The following AKAP10 variants were observed in gnomAD, a reference collection of about 807,000 sequenced individuals.
The protein encoded by AKAP10 is A-kinase anchor protein 10, mitochondrial.
In AKAP10, 24 loss-of-function variants were observed where a neutral mutation model predicts 80.8. That is an observed-to-expected ratio of 0.30 (90% CI 0.22 to 0.42). AKAP10 has a LOEUF of 0.42. Ranked by LOEUF, AKAP10 falls within the 10% of genes least tolerant of loss-of-function variation. AKAP10 has a pLI of 1.00. For missense variants in AKAP10, 661 were observed against 794.9 expected (o/e 0.83, Z 2.03); for synonymous variants, 291 against 277.7 (o/e 1.05, Z -0.48).
At chr17:19,925,529 T>C (rs2042866869) in intron 10 of AKAP10, among the ~76,000 whole-genome samples, 1 of 152,142 alleles carries the variant, frequency 6.6e-6, no homozygotes, top group Non-Finnish European at 1.5e-5. Context: ...ACCTAGAAAT[T>C]CCACTTCTAA....
At chr17:19,946,230 A>AT in intron 5 of AKAP10, among the ~76,000 whole-genome samples, 1 of 17,304 alleles carries the variant, frequency 5.8e-5, no homozygotes, top group Admixed American at 9.4e-4. Flanking sequence ...TTTTATATAT[A>AT]TATATATTAT....
At chr17:19,934,207 C>T (rs2042968484) in intron 9 of AKAP10, among the ~76,000 whole-genome samples, 2 of 152,122 alleles carry the variant, frequency 1.3e-5, no homozygotes, top group African/African-American at 2.4e-5. Flanking sequence ...AGATGTGAGT[C>T]GCCGTGCCTA....
At chr17:19,976,623 G>A (rs936310170) in intron 1 of AKAP10, among the ~76,000 whole-genome samples, 2 of 151,992 alleles carry the variant, frequency 1.3e-5, no homozygotes, top group Non-Finnish European at 2.9e-5. Context: ...AGGTTCAAGC[G>A]ATTCTCCTGC....
chr17:19,948,077 G>C (rs1464187819), intron 4 of AKAP10, among the ~76,000 whole-genome samples: 1 of 151,832 alleles, frequency 6.6e-6, no homozygotes, highest in Non-Finnish European at 1.5e-5. Flanking sequence ...GCTTGCTAAA[G>C]GGAAAACAGC....
intron 12 of AKAP10, among the ~76,000 whole-genome samples, chr17:19,913,279 G>T (rs560940634): frequency 1.3e-5 from 2 of 150,506 alleles, no homozygotes; most frequent in East Asian, 4.0e-4. Context: ...TCAGCCTCCC[G>T]ATAGCTGGGA....
Position 19,977,668 on chromosome 17 carries a change from G to A in AKAP10, c.12C>T (p.Ala4=), listed in dbSNP as rs2043590929. 2 of 1,235,146 alleles carry A rather than the reference G, an allele frequency of 1.6e-6. No homozygotes were observed. Among genetic ancestry groups the A allele is most frequent in the Middle Eastern group, 2.3e-4 (1 of 4,272 alleles). 76.5% of individuals were successfully genotyped at this position (1,235,146 alleles called of 1,614,324 possible). Residue 4 remains alanine, a synonymous_variant, in exon 1 of 15, where the codon GCC becomes GCT. Transcript: ENST00000225737. Reference sequence around the variant, plus strand: ...GGGGGGACTGGCGCGGGGAGGGCCCGGCTCCCCTCATTCAGCAACCGGCCC... The same window carrying A: ...GGGGGGACTGGCGCGGGGAGGGCCCAGCTCCCCTCATTCAGCAACCGGCCC... The part of the protein sequence containing the change: MRG[A]GPSPRQSPRT...
chr17:19,935,216 G>C (rs538957367), intron 9 of AKAP10, among the ~76,000 whole-genome samples: 1 of 152,218 alleles, frequency 6.6e-6, no homozygotes, highest in Admixed American at 6.5e-5. Context: ...TATTGCAATG[G>C]TAAGAATTTG....
At chr17:19,977,526 G>C in intron 1 of AKAP10, 66 bp downstream of exon 1, 2 of 1,184,690 alleles carry the variant, frequency 1.7e-6, no homozygotes, top group Non-Finnish European at 2.1e-6. Context: ...AGCCCTCGCA[G>C]GCCCACCTGC....
At position 19,941,017 on chromosome 17, in the gene AKAP10, A is replaced by G. The variant is rs2043046246; in HGVS notation, c.1062-7T>C. The G allele has an allele frequency of 3.1e-6, 5 of 1,589,684 alleles. No homozygotes were observed. The highest frequency in any genetic ancestry group is 1.4e-5 in the African/African-American group (1 of 73,326). ...CAGAAACTCACTAAAGTGCCTGCACATGGACAAAAGGGAAAATTTGAGGGA... is the reference window on the plus strand; with the variant it reads ...CAGAAACTCACTAAAGTGCCTGCACGTGGACAAAAGGGAAAATTTGAGGGA... On this transcript the variant is annotated splice_polypyrimidine_tract_variant and splice_region_variant and intron_variant, in intron 6 of 14. Transcript: ENST00000225737.
At chr17:19,959,123 G>A (rs966844634) in intron 3 of AKAP10, among the ~76,000 whole-genome samples, 55 of 151,900 alleles carry the variant, frequency 3.6e-4, no homozygotes, top group African/African-American at 1.3e-3. Flanking sequence ...AAAGTGCTGG[G>A]ATTGCAGGCG....
At chr17:19,946,126 CTAA>C (rs1476990879) in intron 5 of AKAP10, among the ~76,000 whole-genome samples, 1 of 128,728 alleles carries the variant, frequency 7.8e-6, no homozygotes, top group African/African-American at 2.9e-5. Flanking sequence ...TATACACACA[CTAA>C]TATGTATATT....
chr17:19,972,528 T>C (rs1597536125), intron 1 of AKAP10, among the ~76,000 whole-genome samples: 1 of 152,302 alleles, frequency 6.6e-6, no homozygotes, highest in East Asian at 1.9e-4. Flanking sequence ...CGATCTCAGC[T>C]CACTGCAAGC....
intron 3 of AKAP10, among the ~76,000 whole-genome samples, chr17:19,959,461 C>T (rs1290186146): frequency 6.6e-6 from 1 of 152,142 alleles, no homozygotes; most frequent in African/African-American, 2.4e-5. Flanking sequence ...AGTAATTCCA[C>T]TTGTAGGCAC....
At chr17:19,946,953 G>A (rs2043140333) in intron 5 of AKAP10, among the ~76,000 whole-genome samples, 1 of 152,186 alleles carries the variant, frequency 6.6e-6, no homozygotes. Context: ...ACACCTGTCT[G>A]GCCATCCAGT....
chr17:19,967,751 C>T (rs1339010438), intron 2 of AKAP10, among the ~76,000 whole-genome samples: 9 of 152,084 alleles, frequency 5.9e-5, no homozygotes, highest in African/African-American at 2.2e-4. Flanking sequence ...GGCATGGTGG[C>T]GGCCACCTGT....
rs2043031758 is a variant in AKAP10, at chr17:19,939,694, A to G, written c.1322+19T>C. On this transcript the variant is annotated intron_variant, in intron 8 of 14. Transcript: ENST00000225737. Reference sequence around the variant, plus strand: ...TGTTCAATAAGTATCTGCTGAATCCATCTATCAATATAACTCACTTGTCAT... The same window carrying G: ...TGTTCAATAAGTATCTGCTGAATCCGTCTATCAATATAACTCACTTGTCAT... The G allele has an allele frequency of 6.2e-7, 1 of 1,609,500 alleles. No individual in the cohort carries two copies. Among genetic ancestry groups the G allele is most frequent in the Non-Finnish European group, 8.5e-7 (1 of 1,178,354 alleles).
intron 1 of AKAP10, among the ~76,000 whole-genome samples, chr17:19,974,942 T>G (rs2043546609): frequency 6.6e-6 from 1 of 152,166 alleles, no homozygotes; most frequent in African/African-American, 2.4e-5. Flanking sequence ...AGCCCTTGAT[T>G]ACAGGCATGA....
At chr17:19,945,249 T>C (rs569205484) in intron 5 of AKAP10, among the ~76,000 whole-genome samples, 18 of 152,196 alleles carry the variant, frequency 1.2e-4, no homozygotes, top group Non-Finnish European at 2.2e-4. Context: ...GCAGTGTGGT[T>C]TCATTTTAAG....
At chr17:19,971,460 G>C (rs2043496684) in intron 1 of AKAP10, among the ~76,000 whole-genome samples, 1 of 149,108 alleles carries the variant, frequency 6.7e-6, no homozygotes, top group South Asian at 2.1e-4. Flanking sequence ...AGTGAGCTGA[G>C]ATCACGCCAC....
Sources: gnomAD v4.1 joint callset for allele counts (sites outside exome capture counted in the v4.1 genomes callset) on GRCh38, gnomAD v4.1.1 for gene constraint, MANE v1.5 for transcripts, NCBI Gene and HGNC (gene_info 2026-07-23, HGNC 2026-07-21) for gene names.